The following RIMBP2 variants were observed in gnomAD, a reference collection of about 807,000 sequenced individuals.
RIMBP2 encodes the protein RIMS-binding protein 2.
Under a neutral mutation model 118.6 loss-of-function variants are expected in RIMBP2, and 48 were observed. The observed-to-expected ratio is 0.40, with a 90% CI of 0.32 to 0.51. RIMBP2 has a LOEUF of 0.51. Among genes scored for constraint, RIMBP2 ranks in the 20% least tolerant of loss-of-function variants. RIMBP2 has a pLI of 0.41. For missense variants in RIMBP2, 1,551 were observed against 1,768.3 expected (o/e 0.88, Z 2.20); for synonymous variants, 762 against 742.9 (o/e 1.03, Z -0.42).
At chr12:130,445,857 T>A (rs765763750) in intron 9 of RIMBP2, among the ~76,000 whole-genome samples, 7 of 152,214 alleles carry the variant, frequency 4.6e-5, no homozygotes, top group Admixed American at 1.3e-4. Context: ...TAATTAGTAT[T>A]GCATTATATA....
intron 2 of RIMBP2, among the ~76,000 whole-genome samples, chr12:130,565,048 A>G (rs888444485): frequency 2.0e-5 from 3 of 152,208 alleles, no homozygotes; most frequent in Admixed American, 1.3e-4. Context: ...ACCACCATAA[A>G]GCAGCAGGGG....
chr12:130,408,835 A>C (rs986189753), intron 19 of RIMBP2, among the ~76,000 whole-genome samples: 1 of 152,220 alleles, frequency 6.6e-6, no homozygotes, highest in Admixed American at 6.5e-5. Context: ...CGGCAACTAA[A>C]GTCAGCGATG....
At chr12:130,611,901 T>C (rs2060578716) in intron 2 of RIMBP2, among the ~76,000 whole-genome samples, 2 of 152,078 alleles carry the variant, frequency 1.3e-5, no homozygotes, top group Non-Finnish European at 2.9e-5. Context: ...GTCTAAGAAG[T>C]TGCTTTGCAA....
Position 130,511,746 on chromosome 12 carries a change from G to A in RIMBP2, c.-126-4976C>T, listed in dbSNP as rs776190332. On this transcript the variant is annotated intron_variant, in intron 3 of 22. Transcript: ENST00000690449. This position sits in a 1 kb window ranked among gnomAD's most constrained non-coding sequence, Gnocchi z 4.3. The stretch of plus-strand genomic sequence containing the variant: ...ATGACCTTTCATGAAACAGAGCTTC[G>A]TGAGAAAAGCTTCAGCCCCTCTTCC... Among the ~76,000 whole-genome samples the A allele has an allele frequency of 2.0e-4, 31 of 152,132 alleles. No individual in the cohort carries two copies. Among genetic ancestry groups the A allele is most frequent in the Non-Finnish European group, 1.6e-4 (11 of 68,036 alleles).
intron 1 of RIMBP2, among the ~76,000 whole-genome samples, chr12:130,639,487 CAAAAAAAAA>C (rs138670754): frequency 1.1e-5 from 1 of 88,086 alleles, no homozygotes; most frequent in Non-Finnish European, 2.1e-5. Context: ...GATCCTGCCT[CAAAAAAAAA>C]AAAAAAAAAA....
intron 2 of RIMBP2, among the ~76,000 whole-genome samples, chr12:130,528,884 G>A (rs2053080027): frequency 6.6e-6 from 1 of 152,154 alleles, no homozygotes; most frequent in African/African-American, 2.4e-5. Context: ...AGCCACTGCA[G>A]AAAACAGTTT....
intron 12 of RIMBP2, 134 bp from the exon 13 acceptor site, chr12:130,437,425 C>T (rs972208354): frequency 1.5e-5 from 11 of 722,218 alleles, no homozygotes; most frequent in South Asian, 3.6e-5. Flanking sequence ...TCCAACCACC[C>T]GCCAGGTATG....
intron 2 of RIMBP2, among the ~76,000 whole-genome samples, chr12:130,526,969 GAGA>G (rs1490765524): frequency 6.6e-6 from 1 of 152,096 alleles, no homozygotes; most frequent in African/African-American, 2.4e-5. Flanking sequence ...GAACTAAGGA[GAGA>G]AGGAGAAACC....
At chr12:130,522,911 G>C (rs573520479) in intron 2 of RIMBP2, among the ~76,000 whole-genome samples, 8 of 152,226 alleles carry the variant, frequency 5.3e-5, no homozygotes, top group African/African-American at 1.9e-4. Flanking sequence ...ACAGGGACCG[G>C]GGCTTTCTAA....
Position 130,419,034 on chromosome 12 carries a change from C to T in RIMBP2, c.3238+3419G>A, listed in dbSNP as rs1463780625. On this transcript the variant is annotated intron_variant, in intron 17 of 22. Transcript: ENST00000690449. The surrounding 1 kb of genome is among the most constrained non-coding windows in gnomAD (Gnocchi z 4.3). ...GTTGAACGTATGTGAATAAAATCAGCGTATGCGGTGACTCCACCGTATGTT... is the reference window on the plus strand; with the variant it reads ...GTTGAACGTATGTGAATAAAATCAGTGTATGCGGTGACTCCACCGTATGTT... Among the ~76,000 whole-genome samples the T allele has an allele frequency of 6.6e-6, 1 of 152,166 alleles. No homozygotes were observed. The highest frequency in any genetic ancestry group is 2.4e-5 in the African/African-American group (1 of 41,442).
At chr12:130,674,954 G>A (rs890395133) in intron 1 of RIMBP2, among the ~76,000 whole-genome samples, 1 of 152,124 alleles carries the variant, frequency 6.6e-6, no homozygotes, top group Non-Finnish European at 1.5e-5. Flanking sequence ...CCTTTTCGCG[G>A]CTGAATCAGA....
chr12:130,470,504 C>T (rs1018259693), intron 6 of RIMBP2, 189 bp downstream of exon 6: 1 of 393,576 alleles, frequency 2.5e-6, no homozygotes, highest in Non-Finnish European at 4.5e-6. Context: ...CCTGTAAGAA[C>T]GGACCTGGTC....
At chr12:130,508,143 A>G (rs146539449) in intron 3 of RIMBP2, among the ~76,000 whole-genome samples, 2 of 152,144 alleles carry the variant, frequency 1.3e-5, no homozygotes, top group African/African-American at 4.8e-5. Flanking sequence ...CTGAACCTCA[A>G]TACCCTGGGG....
chr12:130,558,055 G>A (rs1281939657), intron 2 of RIMBP2, among the ~76,000 whole-genome samples: 8 of 152,322 alleles, frequency 5.3e-5, no homozygotes, highest in South Asian at 4.1e-4. Context: ...TCAGACTCAC[G>A]TCTGGCATAG....
At chr12:130,557,814 G>A (rs151151499) in intron 2 of RIMBP2, among the ~76,000 whole-genome samples, 8 of 152,150 alleles carry the variant, frequency 5.3e-5, no homozygotes, top group African/African-American at 1.2e-4. Flanking sequence ...CACCTTGTTC[G>A]ATGCCCCGCC....
At position 130,437,208 on chromosome 12, in the gene RIMBP2, G is replaced by C. The variant is rs752818365; in HGVS notation, c.1740C>G (p.Thr580=). Residue 580 remains threonine (T), a synonymous_variant, in exon 13 of 23, where the codon ACC becomes ACG. Coordinates refer to ENST00000690449, the MANE Select transcript of RIMBP2 (RefSeq NM_001393629.1). Reference sequence around the variant, plus strand: ...CGCCCTGGGCGGAGAGGGTCCGCACGGTCACGCCCTTGGCCTCCAGGCTCC... The same window carrying C: ...CGCCCTGGGCGGAGAGGGTCCGCACCGTCACGCCCTTGGCCTCCAGGCTCC... ...RLRSLEAKGV[T]VRTLSAQGES... The C allele has an allele frequency of 1.1e-5, 17 of 1,584,950 alleles. No homozygotes were observed. Among genetic ancestry groups the C allele is most frequent in the Non-Finnish European group, 1.5e-5 (17 of 1,169,402 alleles).
chr12:130,500,147 G>A (rs559202563), intron 4 of RIMBP2, among the ~76,000 whole-genome samples: 16 of 152,116 alleles, frequency 1.1e-4, no homozygotes, highest in African/African-American at 2.2e-4. Context: ...CCCATAATAC[G>A]GTCAAAAAGG....
At chr12:130,552,116 G>A (rs2055855279) in intron 2 of RIMBP2, among the ~76,000 whole-genome samples, 1 of 152,208 alleles carries the variant, frequency 6.6e-6, no homozygotes, top group African/African-American at 2.4e-5. Flanking sequence ...TGATGCTAAG[G>A]CATGGCAGAC....
intron 12 of RIMBP2, 31 bp downstream of exon 12, chr12:130,438,334 A>ATCCGGGGGGGGGCCCCCCCCCC: frequency 7.4e-7 from 1 of 1,344,518 alleles, no homozygotes; most frequent in Non-Finnish European, 1.1e-6. Context: ...GGGCCTAACA[A>ATCCGGGGGGGGGCCCCCCCCCC]ACCCTCCCCA....
Sources: allele counts gnomAD v4.1 joint callset (sites outside exome capture counted in the v4.1 genomes callset), GRCh38; gene constraint gnomAD v4.1.1; non-coding constraint Gnocchi (gnomAD v3.1); transcripts MANE v1.5; gene names NCBI Gene and HGNC (gene_info 2026-07-23, HGNC 2026-07-21).